PMFBP1: variants seen among roughly 807,000 people sequenced by gnomAD.
PMFBP1 encodes polyamine modulated factor 1 binding protein 1.
Under a neutral mutation model 137.8 loss-of-function variants are expected in PMFBP1, and 131 were observed. That is an observed-to-expected ratio of 0.95 (90% CI 0.82 to 1.10). PMFBP1 has a LOEUF of 1.10. Among genes scored for constraint, PMFBP1 ranks in the 50% least tolerant of loss-of-function variants. PMFBP1 has a pLI of 0.00. For missense variants in PMFBP1, 1,199 were observed against 1,175.4 expected, an observed-to-expected ratio of 1.02 and a Z score of -0.29; for synonymous variants, 490 against 450.4, an observed-to-expected ratio of 1.09 and a Z score of -1.11.
the PMFBP1 span, among the ~76,000 whole-genome samples, chr16:72,192,717 T>C: frequency 2.0e-5 from 3 of 151,880 alleles, no homozygotes; most frequent in Non-Finnish European, 2.9e-5. Context: ...TCCTGGCCAA[T>C]ATGGTGAAAC....
At chr16:72,190,595 G>A in the PMFBP1 span, among the ~76,000 whole-genome samples, 5,731 of 152,158 alleles carry the variant, frequency 0.038, 333 homozygotes, top group African/African-American at 0.13. Flanking sequence ...CAGAGAGGGA[G>A]TGAAATGGGA....
chr16:72,164,372 T>A, intron 3 of PMFBP1: 1 of 1,282,754 alleles, frequency 7.8e-7, no homozygotes, highest in Non-Finnish European at 1.0e-6. Flanking sequence ...CACTGATACC[T>A]TAGAGCAGGT....
chr16:72,124,776 G>C lies in PMFBP1; in HGVS notation c.2580C>G (p.Asp860Glu). 1 of 1,613,708 alleles carries C rather than the reference G, an allele frequency of 6.2e-7. No homozygotes were observed. Among genetic ancestry groups the C allele is most frequent in the Non-Finnish European group, 8.5e-7 (1 of 1,179,782 alleles). The change falls in exon 17 of 21, where the codon GAC becomes GAG. Residue 860 changes from aspartate (D) to glutamate (E), a missense_variant. Asp to Glu is a conservative substitution (Grantham distance 45, BLOSUM62 2). Transcript: ENST00000237353. ...MAALKENLLE[D>E]DKEPCCLPQW... ...GCCAAGGCATGCCCACCTCCTTATC[G>C]TCCTCAAGGAGGTTCTCTTTTAAGG...
chr16:72,168,017 A>C (rs1029629295), intron 2 of PMFBP1, among the ~76,000 whole-genome samples: 1 of 152,260 alleles, frequency 6.6e-6, no homozygotes, highest in African/African-American at 2.4e-5. Context: ...GAAGTTCAGA[A>C]TTGGATCTTC....
At chr16:72,167,909 A>C (rs541500679) in intron 2 of PMFBP1, among the ~76,000 whole-genome samples, 6 of 152,340 alleles carry the variant, frequency 3.9e-5, no homozygotes, top group Non-Finnish European at 5.9e-5. Flanking sequence ...TTAAAAGTTA[A>C]GTGCTCTCTC....
At chr16:72,239,915 A>ACAAAAAAG in the PMFBP1 span, among the ~76,000 whole-genome samples, 1 of 145,050 alleles carries the variant, frequency 6.9e-6, no homozygotes, top group Non-Finnish European at 1.5e-5. Context: ...AAAAAAAAAA[A>ACAAAAAAG]AAGAATGTTC....
At position 72,126,069 on chromosome 16, in the gene PMFBP1, C is replaced by T; in HGVS notation, c.2152G>A (p.Glu718Lys). Residue 718 changes from glutamate to lysine, a missense_variant, in exon 15 of 21, where the codon GAG becomes AAG. Transcript: ENST00000237353. ...QAQLDKALQK[E>K]KHYLQTTITK... is the part of the protein sequence containing the mutation. ...ATGGTAGTCTGGAGATAGTGCTTCT[C>T]CTTCTGCAGAGCTTTGTCCAGCTGG... The T allele has an allele frequency of 6.2e-7, 1 of 1,614,210 alleles. No individual in the cohort carries two copies. Among genetic ancestry groups the T allele is most frequent in the South Asian group, 1.1e-5 (1 of 91,080 alleles).
chr16:72,240,773 C>CA, the PMFBP1 span, among the ~76,000 whole-genome samples: 1 of 152,174 alleles, frequency 6.6e-6, no homozygotes, highest in African/African-American at 2.4e-5. Flanking sequence ...AGGGCTGTAC[C>CA]AAAAGATCTC....
chr16:72,154,693 C>T (rs966487854), intron 3 of PMFBP1, among the ~76,000 whole-genome samples: 1 of 152,016 alleles, frequency 6.6e-6, no homozygotes, highest in African/African-American at 2.4e-5. Context: ...TTCTTATCTA[C>T]CAAAATCTTA....
At chr16:72,140,345 C>G (rs1374294877) in intron 6 of PMFBP1, 67 bp downstream of exon 6, 1 of 1,465,146 alleles carries the variant, frequency 6.8e-7, no homozygotes, top group Non-Finnish European at 9.5e-7. Flanking sequence ...ACTCTTTTCC[C>G]CTCCTTTCTC....
chr16:72,145,429 G>A (rs2042790543), intron 5 of PMFBP1, among the ~76,000 whole-genome samples: 1 of 152,168 alleles, frequency 6.6e-6, no homozygotes, highest in Non-Finnish European at 1.5e-5. Context: ...GAGAAAGCAA[G>A]AAAGATCTGA....
chr16:72,166,501 C>A (rs377201312), intron 2 of PMFBP1, among the ~76,000 whole-genome samples: 4 of 152,130 alleles, frequency 2.6e-5, no homozygotes, highest in East Asian at 1.9e-4. Flanking sequence ...AATACAGTAC[C>A]TATCTCTTAG....
the PMFBP1 span, among the ~76,000 whole-genome samples, chr16:72,212,891 A>T: frequency 6.6e-6 from 1 of 152,248 alleles, no homozygotes; most frequent in East Asian, 1.9e-4. Flanking sequence ...GCTGTATTTC[A>T]TGCTAGAAGA....
upstream of PMFBP1, among the ~76,000 whole-genome samples, chr16:72,172,697 T>C (rs980269451): frequency 2.6e-5 from 4 of 151,980 alleles, no homozygotes; most frequent in African/African-American, 7.3e-5. Flanking sequence ...GTCACACAAA[T>C]TTCTTGGTTT....
chr16:72,126,322 C>T (rs1483100526), intron 14 of PMFBP1, among the ~76,000 whole-genome samples, 190 bp from the exon 15 acceptor site: 3 of 152,192 alleles, frequency 2.0e-5, no homozygotes, highest in Admixed American at 2.0e-4. Context: ...TCTTTTGCAC[C>T]CCTCAGCCAC....
chr16:72,227,851 T>C, the PMFBP1 span, among the ~76,000 whole-genome samples: 1 of 152,214 alleles, frequency 6.6e-6, no homozygotes. Flanking sequence ...CTTAGCATTG[T>C]GCCCCCACAC....
At chr16:72,187,711 T>C in the PMFBP1 span, among the ~76,000 whole-genome samples, 1 of 152,094 alleles carries the variant, frequency 6.6e-6, no homozygotes, top group Non-Finnish European at 1.5e-5. Context: ...TGCCGAAGGG[T>C]GTTGATAATG....
intron 5 of PMFBP1, among the ~76,000 whole-genome samples, chr16:72,150,394 T>A (rs1030339760): frequency 6.6e-6 from 1 of 152,190 alleles, no homozygotes; most frequent in Non-Finnish European, 1.5e-5. Context: ...GGTGACTCTT[T>A]ATGTTAATTA....
At chr16:72,207,701 C>A in the PMFBP1 span, among the ~76,000 whole-genome samples, 2 of 119,688 alleles carry the variant, frequency 1.7e-5, no homozygotes, top group African/African-American at 7.4e-5. Context: ...GAAAGAGAAC[C>A]AGTAGGGCAT....
Sources: allele counts gnomAD v4.1 joint callset (sites outside exome capture counted in the v4.1 genomes callset), GRCh38; gene constraint gnomAD v4.1.1; transcripts MANE v1.5; gene names NCBI Gene and HGNC (gene_info 2026-07-23, HGNC 2026-07-21).